CRY1: variants seen among roughly 807,000 people sequenced by gnomAD.
CRY1 encodes the protein cryptochrome-1.
Under a neutral mutation model 76.0 loss-of-function variants are expected in CRY1, and 45 were observed. The observed-to-expected ratio is 0.59, with a 90% confidence interval of 0.47 to 0.76. The LOEUF (loss-of-function observed/expected upper bound fraction) is 0.76. Ranked by LOEUF, CRY1 falls within the 30% of genes least tolerant of loss-of-function variation. CRY1 has a pLI of 0.00. For synonymous variants in CRY1, 248 were observed against 244.0 expected (o/e 1.02, Z -0.15); for missense variants, 587 against 716.4 (o/e 0.82, Z 2.06).
chr12:107,029,324 C>T (rs763561166), intron 1 of CRY1, among the ~76,000 whole-genome samples: 3 of 152,166 alleles, frequency 2.0e-5, no homozygotes, highest in Admixed American at 6.5e-5. Flanking sequence ...GACACAGGGG[C>T]TCATGCCTGT....
At chr12:107,053,467 C>T (rs1249959030) in intron 1 of CRY1, among the ~76,000 whole-genome samples, 1 of 152,128 alleles carries the variant, frequency 6.6e-6, no homozygotes, top group Non-Finnish European at 1.5e-5. Context: ...CAGGCATGTG[C>T]CACCACACCC....
At chr12:107,046,108 A>G (rs994876366) in intron 1 of CRY1, among the ~76,000 whole-genome samples, 1 of 148,232 alleles carries the variant, frequency 6.7e-6, no homozygotes, top group South Asian at 2.2e-4. Flanking sequence ...GCCTGGCGAC[A>G]GAGCAAGACT....
chr12:107,005,165 T>G lies in CRY1; in HGVS notation c.351A>C (p.Ala117=), dbSNP rs1378274704. The change falls in exon 3 of 13, where the codon GCA becomes GCC. Residue 117 remains alanine (A), a synonymous_variant. Coordinates refer to ENST00000008527, the MANE Select transcript of CRY1 (RefSeq NM_004075.5). ...CAATGACTTCTACTCCAGCTTCAGT[T>G]GCCAGTTTCTTAATAGCTGCGTCTC... ...KERDAAIKKL[A]TEAGVEVIVR... 3 of 1,613,732 alleles carry G rather than the reference T, an allele frequency of 1.9e-6. No individual in the cohort carries two copies. The highest frequency in any genetic ancestry group is 1.7e-4 in the Middle Eastern group (1 of 6,056).
At chr12:107,049,301 C>T (rs1952888679) in intron 1 of CRY1, among the ~76,000 whole-genome samples, 1 of 152,210 alleles carries the variant, frequency 6.6e-6, no homozygotes, top group Admixed American at 6.5e-5. Context: ...AAGGAAAAAA[C>T]AGCATCAAAT....
chr12:107,084,003 A>T (rs1313877420), intron 1 of CRY1, among the ~76,000 whole-genome samples: 2 of 152,206 alleles, frequency 1.3e-5, no homozygotes, highest in African/African-American at 4.8e-5. Flanking sequence ...CGGGATACAA[A>T]ATCAATCAGC....
chr12:106,991,817 C>A lies in CRY1; in HGVS notation c.*185G>T, dbSNP rs1449121970. ...ATTCTCTTGCCAAGTTCTTTATATA[C>A]AAATTACCAATTGTCCTCTGTGAAA... On this transcript the variant is annotated 3_prime_UTR_variant, in exon 13 of 13. Coordinates refer to ENST00000008527, the MANE Select transcript of CRY1 (RefSeq NM_004075.5). 6.6e-6 allele frequency: 1 copy of A among 152,498 alleles called. No homozygotes were observed. The highest frequency in any genetic ancestry group is 1.5e-5 in the Non-Finnish European group (1 of 67,988). 9.4% of individuals were successfully genotyped at this position (152,498 alleles called of 1,614,324 possible). A position where few individuals can be genotyped will look rare whatever the true frequency, so the allele number is the denominator to read the frequency against.
intron 1 of CRY1, among the ~76,000 whole-genome samples, chr12:107,025,155 T>TG (rs1162147662): frequency 2.0e-5 from 3 of 151,942 alleles, no homozygotes; most frequent in Non-Finnish European, 4.4e-5. Context: ...CGTTAGGGAG[T>TG]GGGGGTTTGA....
chr12:107,039,557 T>C (rs962377717), intron 1 of CRY1, among the ~76,000 whole-genome samples: 10 of 152,260 alleles, frequency 6.6e-5, no homozygotes, highest in African/African-American at 1.9e-4. Context: ...GGCCAACAGG[T>C]ATATGAAATG....
At chr12:107,060,429 T>C (rs1953032442) in intron 1 of CRY1, among the ~76,000 whole-genome samples, 2 of 152,218 alleles carry the variant, frequency 1.3e-5, no homozygotes, top group African/African-American at 2.4e-5. Context: ...TCCTATCAAA[T>C]GCCAGCCCCT....
At chr12:107,075,414 T>C (rs1953240145) in intron 1 of CRY1, among the ~76,000 whole-genome samples, 1 of 152,168 alleles carries the variant, frequency 6.6e-6, no homozygotes, top group Non-Finnish European at 1.5e-5. Flanking sequence ...ATTAACTATC[T>C]GTAGATAAGA....
chr12:107,026,044 A>G (rs544531918), intron 1 of CRY1, among the ~76,000 whole-genome samples: 1 of 123,478 alleles, frequency 8.1e-6, no homozygotes, highest in South Asian at 2.9e-4. Context: ...GAGGTACATT[A>G]TGTCCTTCAG....
intron 1 of CRY1, among the ~76,000 whole-genome samples, chr12:107,061,664 G>A (rs926446571): frequency 3.9e-5 from 6 of 152,118 alleles, no homozygotes; most frequent in African/African-American, 1.4e-4. Context: ...TCACAGGCAT[G>A]AGCCACTGCG....
chr12:107,089,813 G>T (rs1953448972), intron 1 of CRY1, among the ~76,000 whole-genome samples: 1 of 152,084 alleles, frequency 6.6e-6, no homozygotes, highest in Admixed American at 6.5e-5. Context: ...AATTAATAAA[G>T]CTGTTTAAAT....
intron 1 of CRY1, among the ~76,000 whole-genome samples, chr12:107,086,173 C>T (rs1253696067): frequency 1.3e-5 from 2 of 152,020 alleles, no homozygotes; most frequent in South Asian, 2.1e-4. Context: ...AACAACAAAG[C>T]GTTCAAAAGG....
chr12:107,014,528 TTTTC>T (rs1566247904), intron 2 of CRY1, among the ~76,000 whole-genome samples: 1 of 152,146 alleles, frequency 6.6e-6, no homozygotes, highest in Non-Finnish European at 1.5e-5. Context: ...TGCATACTGA[TTTTC>T]TTTATTGTTT....
chr12:107,055,516 T>C (rs976593575), intron 1 of CRY1, among the ~76,000 whole-genome samples: 1 of 151,978 alleles, frequency 6.6e-6, no homozygotes, highest in African/African-American at 2.4e-5. Context: ...AAATAGGGTA[T>C]TCAATAGGCT....
In CRY1 at chr12:106,993,065, A is replaced by C. The variant is rs1593488656; in HGVS notation, c.1586-29T>G. The C allele has an allele frequency of 3.7e-6, 6 of 1,605,962 alleles. No homozygotes were observed. The East Asian group carries it at 1.3e-4, about 36-fold the overall frequency. On this transcript the variant is annotated intron_variant, in intron 10 of 12. Transcript: ENST00000008527. Reference sequence around the variant, plus strand: ...TTAGTATTTAAAACACAGTAAAATTACTTAAAATCAAATCCAAGATGTATG... The same window carrying C: ...TTAGTATTTAAAACACAGTAAAATTCCTTAAAATCAAATCCAAGATGTATG...
intron 1 of CRY1, among the ~76,000 whole-genome samples, chr12:107,069,789 A>G (rs1041353416): frequency 2.7e-5 from 4 of 148,424 alleles, no homozygotes; most frequent in African/African-American, 9.8e-5. Flanking sequence ...AAACTTCGAC[A>G]AATAAAACTG....
At chr12:107,088,224 A>C (rs936695771) in intron 1 of CRY1, among the ~76,000 whole-genome samples, 1 of 152,088 alleles carries the variant, frequency 6.6e-6, no homozygotes, top group East Asian at 1.9e-4. Flanking sequence ...CTATCACGTA[A>C]TGAGTGACTT....
Sources: allele counts gnomAD v4.1 joint callset (sites outside exome capture counted in the v4.1 genomes callset), GRCh38; gene constraint gnomAD v4.1.1; transcripts MANE v1.5; gene names NCBI Gene and HGNC (gene_info 2026-07-23, HGNC 2026-07-21).